HDAC9: variants seen among roughly 807,000 people sequenced by gnomAD.
HDAC9 encodes the protein MEF-2 interacting transcription repressor (MITR) protein.
A neutral mutation model predicts 139.4 loss-of-function variants in HDAC9; 41 were observed. The ratio of observed to expected loss-of-function variants is 0.29; its 90% CI spans 0.23 to 0.38. The LOEUF is 0.38. HDAC9 is among the 10% of genes least tolerant of loss of function. The pLI, the probability that HDAC9 is intolerant of heterozygous loss-of-function variation, is 1.00. For synonymous variants in HDAC9, 517 were observed against 476.2 expected, an observed-to-expected ratio of 1.09 and a Z score of -1.12; for missense variants, 1,147 against 1,297.0, an observed-to-expected ratio of 0.88 and a Z score of 1.78.
chr7:18,688,631 A>G (rs1407188393), intron 12 of HDAC9, among the ~76,000 whole-genome samples: 1 of 151,922 alleles, frequency 6.6e-6, no homozygotes, highest in African/African-American at 2.4e-5. Flanking sequence ...ACCTTCTTCC[A>G]ATACACAATT....
chr7:18,729,115 A>G (rs1584926688), intron 13 of HDAC9, among the ~76,000 whole-genome samples: 1 of 152,300 alleles, frequency 6.6e-6, no homozygotes, highest in African/African-American at 2.4e-5. Flanking sequence ...TACATGATAC[A>G]GAGGAATAAT....
chr7:18,749,154 A>G lies in HDAC9; in HGVS notation c.2043+16A>G. The G allele has an allele frequency of 6.2e-7, 1 of 1,612,646 alleles. No individual in the cohort carries two copies. Among genetic ancestry groups the G allele is most frequent in the Non-Finnish European group, 8.5e-7 (1 of 1,179,186 alleles). The stretch of plus-strand genomic sequence containing the variant: ...TAAATGTGAGGTAATCCAGAATTGG[A>G]CACACTCTTTTACTTACTTAAATAA... On this transcript the variant is annotated intron_variant, in intron 14 of 25. Coordinates refer to ENST00000686413, the MANE Select transcript of HDAC9 (RefSeq NM_178425.4).
chr7:18,252,733 G>A (rs1270536314), intron 2 of HDAC9, among the ~76,000 whole-genome samples: 1 of 150,084 alleles, frequency 6.7e-6, no homozygotes, highest in Non-Finnish European at 1.5e-5. Context: ...TTTTATTTTT[G>A]TTGATTATTA....
At chr7:18,658,899 C>CAA (rs11306117) in intron 11 of HDAC9, among the ~76,000 whole-genome samples, 4,237 of 118,072 alleles carry the variant, frequency 0.036, 67 homozygotes, top group Middle Eastern at 0.093. Flanking sequence ...AAAAAAAAAG[C>CAA]AAAAAAAAAA....
At chr7:18,715,609 A>G (rs1784645830) in intron 12 of HDAC9, among the ~76,000 whole-genome samples, 1 of 152,160 alleles carries the variant, frequency 6.6e-6, no homozygotes. Flanking sequence ...TTAATGTCTG[A>G]TCCTGAAAGA....
chr7:18,977,983 T>C (rs992224853), intron 25 of HDAC9, among the ~76,000 whole-genome samples: 5 of 150,938 alleles, frequency 3.3e-5, no homozygotes, highest in African/African-American at 9.8e-5. Flanking sequence ...GAGAATGCTC[T>C]GAAAAGCCAC....
intron 12 of HDAC9, among the ~76,000 whole-genome samples, chr7:18,687,272 C>G (rs752864668): frequency 5.3e-5 from 8 of 151,698 alleles, no homozygotes; most frequent in Non-Finnish European, 1.0e-4. Context: ...ATAGTACAAC[C>G]GATTTAAGTA....
At chr7:18,835,761 T>G in intron 20 of HDAC9, 139 bp from the exon 21 acceptor site, 1 of 1,032,576 alleles carries the variant, frequency 9.7e-7, no homozygotes, top group Non-Finnish European at 1.5e-6. Context: ...AGAGCACTGT[T>G]TGTCAGGGAA....
At chr7:18,669,710 T>C (rs562294520) in intron 12 of HDAC9, among the ~76,000 whole-genome samples, 1 of 152,018 alleles carries the variant, frequency 6.6e-6, no homozygotes, top group South Asian at 2.1e-4. Flanking sequence ...TTTTATAGTG[T>C]ATATCTGATT....
intron 1 of HDAC9, among the ~76,000 whole-genome samples, chr7:18,161,166 G>T (rs1787603175): frequency 6.6e-6 from 1 of 152,114 alleles, no homozygotes. Context: ...GAAGTAGCCT[G>T]CTAGGTCTAA....
intron 1 of HDAC9, among the ~76,000 whole-genome samples, chr7:18,374,867 C>G (rs1345887787): frequency 6.6e-6 from 1 of 152,018 alleles, no homozygotes; most frequent in African/African-American, 2.4e-5. Context: ...CTGAAAAGTT[C>G]CTATTGCCTG....
intron 13 of HDAC9, among the ~76,000 whole-genome samples, chr7:18,738,293 C>A (rs1787116670): frequency 6.6e-6 from 1 of 152,106 alleles, no homozygotes; most frequent in Non-Finnish European, 1.5e-5. Flanking sequence ...TGAATTTGAT[C>A]CTGTCATTAT....
chr7:18,440,648 A>T (rs563608925), intron 1 of HDAC9, among the ~76,000 whole-genome samples: 4 of 151,982 alleles, frequency 2.6e-5, no homozygotes, highest in Admixed American at 2.6e-4. Context: ...TTATAAACCT[A>T]CTCTTGTTTT....
chr7:18,597,654 A>G lies in HDAC9; in HGVS notation c.664+3625A>G, dbSNP rs577209874. ...GGATTCTGTTCCAGTGAGTGTGTGC[A>G]TATGTTTCATAAAATATTGTGATAA... is the stretch of plus-strand genomic sequence containing the variant. On this transcript the variant is annotated intron_variant, in intron 6 of 25. Coordinates refer to ENST00000686413, the MANE Select transcript of HDAC9 (RefSeq NM_178425.4). Among the ~76,000 whole-genome samples the G allele has an allele frequency of 4.6e-5, 7 of 152,286 alleles. No individual in the cohort carries two copies. In the South Asian group the frequency reaches 8.3e-4, roughly 18 times the overall value.
intron 2 of HDAC9, among the ~76,000 whole-genome samples, chr7:18,522,274 C>T (rs1805298532): frequency 6.6e-6 from 1 of 152,086 alleles, no homozygotes; most frequent in Non-Finnish European, 1.5e-5. Context: ...CTCTGAAAGA[C>T]TAAACCAAAA....
At chr7:18,966,347 T>C (rs779872391) in intron 24 of HDAC9, among the ~76,000 whole-genome samples, 1 of 152,220 alleles carries the variant, frequency 6.6e-6, no homozygotes, top group Non-Finnish European at 1.5e-5. Flanking sequence ...TGCTGCCACT[T>C]GGCACACCAG....
chr7:18,997,841 A>G lies in HDAC9; in HGVS notation c.*1779A>G, dbSNP rs1026389791. 3.2e-4 allele frequency: 48 copies of G among 152,174 alleles called. No homozygotes were observed. Among genetic ancestry groups the G allele is most frequent in the African/African-American group, 1.1e-3 (45 of 41,456 alleles). The allele number at this position is 152,174 out of a possible 1,614,324, so 9.4% of individuals were successfully genotyped here. Reference sequence around the variant, plus strand: ...TTAAAGACTTTTATTACATATACAAAAATGGCTCAATACTTGGTTTAACTT... The same window carrying G: ...TTAAAGACTTTTATTACATATACAAGAATGGCTCAATACTTGGTTTAACTT... On this transcript the variant is annotated 3_prime_UTR_variant, in exon 26 of 26. Transcript: ENST00000686413.
intron 1 of HDAC9, among the ~76,000 whole-genome samples, chr7:18,399,019 T>C (rs1194613059): frequency 2.6e-5 from 4 of 152,200 alleles, no homozygotes; most frequent in African/African-American, 4.8e-5. Flanking sequence ...TTTCACCTTA[T>C]AGATTTTAAT....
intron 1 of HDAC9, among the ~76,000 whole-genome samples, chr7:18,156,309 A>G (rs930693126): frequency 4.6e-5 from 7 of 152,172 alleles, no homozygotes; most frequent in African/African-American, 1.2e-4. Context: ...ATCTTGGTCA[A>G]CATATTTCAT....
Sources: gnomAD v4.1 joint callset for allele counts (sites outside exome capture counted in the v4.1 genomes callset) on GRCh38, gnomAD v4.1.1 for gene constraint, MANE v1.5 for transcripts, NCBI Gene and HGNC (gene_info 2026-07-23, HGNC 2026-07-21) for gene names.